The following COQ3 variants were observed in gnomAD, a reference collection of about 807,000 sequenced individuals.
The protein encoded by COQ3 is coenzyme Q3, methyltransferase, also known as ubiquinone biosynthesis O-methyltransferase, mitochondrial.
COQ3 carries 29 observed loss-of-function variants against 33.1 expected under a neutral mutation model. The observed-to-expected ratio is 0.88, with a 90% CI of 0.65 to 1.19. COQ3 has a LOEUF of 1.19. Among genes scored for constraint, COQ3 ranks in the 50% most tolerant of loss-of-function variants. The pLI is 0.00. For missense variants in COQ3, 437 were observed against 430.7 expected, an observed-to-expected ratio of 1.01 and a Z score of -0.13; for synonymous variants, 173 against 157.8, an observed-to-expected ratio of 1.10 and a Z score of -0.72.
chr6:99,383,804 T>C lies in COQ3; in HGVS notation c.127A>G (p.Ser43Gly), dbSNP rs1476299456. ...SSAVYVKNQL[S>G]GTLQIKPGVF... ...CCTGGTTTAATCTGTAGAGTCCCACTGAGCTGGTTCTTCACATAAACTGAA... is the reference window on the plus strand; with the variant it reads ...CCTGGTTTAATCTGTAGAGTCCCACCGAGCTGGTTCTTCACATAAACTGAA... The change falls in exon 2 of 7, where the codon AGT (serine) becomes GGT (glycine). Residue 43 changes from serine (S) to glycine (G), a missense_variant. Ser to Gly is a moderately conservative substitution (Grantham distance 56, BLOSUM62 0). Transcript: ENST00000254759. 6.3e-7 allele frequency: 1 copy of C among 1,580,624 alleles called. No homozygotes were observed. Among genetic ancestry groups the C allele is most frequent in the African/African-American group, 1.4e-5 (1 of 72,864 alleles).
At chr6:99,388,889 A>ATG (rs1461689514) in intron 1 of COQ3, among the ~76,000 whole-genome samples, 153 of 49,906 alleles carry the variant, frequency 3.1e-3, no homozygotes, top group African/African-American at 9.5e-3. Context: ...TAATGTATAC[A>ATG]CGCACACACA....
At chr6:99,393,838 G>A (rs369282275) in intron 1 of COQ3, among the ~76,000 whole-genome samples, 116 of 152,326 alleles carry the variant, frequency 7.6e-4, no homozygotes, top group African/African-American at 2.6e-3. Flanking sequence ...CAAGAGACCC[G>A]CGGCCTGCGC....
At chr6:99,371,875 A>T (rs1241011888) in intron 5 of COQ3, among the ~76,000 whole-genome samples, 2 of 152,154 alleles carry the variant, frequency 1.3e-5, no homozygotes, top group Admixed American at 1.3e-4. Flanking sequence ...GTACATATCA[A>T]ACACTTTACA....
intron 1 of COQ3, among the ~76,000 whole-genome samples, chr6:99,391,851 T>C (rs1338172994): frequency 1.3e-5 from 2 of 152,026 alleles, no homozygotes; most frequent in Non-Finnish European, 2.9e-5. Flanking sequence ...ATATAAAAAT[T>C]AGCCATGCAT....
Position 99,381,172 on chromosome 6 carries a change from C to G in COQ3, c.234-831G>C, listed in dbSNP as rs529681041. Among the ~76,000 whole-genome samples the G allele has an allele frequency of 5.3e-5, 8 of 152,294 alleles. No homozygotes were observed. The South Asian group carries it at 1.7e-3, about 32-fold the overall frequency. On this transcript the variant is annotated intron_variant, in intron 2 of 6. Coordinates refer to ENST00000254759, the MANE Select transcript of COQ3 (RefSeq NM_017421.4). The stretch of plus-strand genomic sequence containing the variant: ...CCATAATTCTAACGCAAGCACCCAT[C>G]ATCTCTTGCCTGAACTAGTGTCCTA...
At chr6:99,388,933 A>C (rs11154811) in intron 1 of COQ3, among the ~76,000 whole-genome samples, 6,265 of 52,356 alleles carry the variant, frequency 0.12, 230 homozygotes, top group East Asian at 0.46. Flanking sequence ...ACACACACAC[A>C]CCCACATCCT....
chr6:99,374,633 A>G (rs1032172370), intron 5 of COQ3, among the ~76,000 whole-genome samples: 12 of 152,338 alleles, frequency 7.9e-5, no homozygotes, highest in African/African-American at 2.4e-4. Context: ...TTACAGCCAC[A>G]TTCAGAGAAC....
At chr6:99,391,469 C>T (rs1774828400) in intron 1 of COQ3, among the ~76,000 whole-genome samples, 2 of 152,082 alleles carry the variant, frequency 1.3e-5, no homozygotes, top group Admixed American at 1.3e-4. Context: ...AATATCACCT[C>T]CTGTATGACT....
intron 1 of COQ3, 33 bp downstream of exon 1, chr6:99,394,041 C>T (rs1326278140): frequency 6.4e-7 from 1 of 1,565,276 alleles, no homozygotes; most frequent in Non-Finnish European, 8.8e-7. Flanking sequence ...TCGCAATTGA[C>T]TGCATGCGAA....
intron 1 of COQ3, among the ~76,000 whole-genome samples, chr6:99,387,098 T>C (rs1263929328): frequency 6.6e-6 from 1 of 152,178 alleles, no homozygotes; most frequent in Non-Finnish European, 1.5e-5. Flanking sequence ...ATTCCAGGTA[T>C]GCAACACTAG....
chr6:99,378,159 TAGAG>T (rs10542899), intron 3 of COQ3, among the ~76,000 whole-genome samples: 9,209 of 39,852 alleles, frequency 0.23, 832 homozygotes, highest in Middle Eastern at 0.38. Context: ...TATATATATT[TAGAG>T]AGAGAGAGAG....
At chr6:99,374,083 A>G (rs1427884945) in intron 5 of COQ3, among the ~76,000 whole-genome samples, 1 of 151,202 alleles carries the variant, frequency 6.6e-6, no homozygotes, top group Non-Finnish European at 1.5e-5. Flanking sequence ...ATACATGTAC[A>G]AGTCTGGTTT....
Position 99,371,456 on chromosome 6 carries a change from A to G in COQ3, c.861T>C (p.Pro287=). ...GTHTWEKFVS[P]ETLESILESN... is the part of the protein sequence containing the mutation. ...ATTCCAGAATGCTCTCTAGTGTTTCAGGTGAAACAAACTTCTCCCATGTAT... is the reference window on the plus strand; with the variant it reads ...ATTCCAGAATGCTCTCTAGTGTTTCGGGTGAAACAAACTTCTCCCATGTAT... The change falls in exon 6 of 7, where the codon CCT becomes CCC. Residue 287 remains proline (P), a synonymous_variant. Coordinates refer to ENST00000254759, the MANE Select transcript of COQ3 (RefSeq NM_017421.4). 12 of 1,598,464 alleles carry G rather than the reference A, an allele frequency of 7.5e-6. No individual in the cohort carries two copies. The highest frequency in any genetic ancestry group is 1.0e-5 in the Non-Finnish European group (12 of 1,175,534).
intron 1 of COQ3, among the ~76,000 whole-genome samples, chr6:99,385,977 AAAAAAAAAAAAAAAAAG>A (rs1774639098): frequency 3.0e-5 from 1 of 33,612 alleles, no homozygotes; most frequent in Admixed American, 3.4e-4. Context: ...ACTCTGTCTC[AAAAAAAAAAAAAAAAAG>A]AAAAGAAAAA....
intron 5 of COQ3, among the ~76,000 whole-genome samples, chr6:99,372,192 T>C (rs1279685695): frequency 1.3e-5 from 2 of 152,034 alleles, no homozygotes; most frequent in Non-Finnish European, 1.5e-5. Flanking sequence ...TCACTTGAGA[T>C]CAGGAGTTTG....
intron 1 of COQ3, among the ~76,000 whole-genome samples, chr6:99,388,202 T>C (rs1339146558): frequency 6.6e-6 from 1 of 151,808 alleles, no homozygotes; most frequent in Non-Finnish European, 1.5e-5. Flanking sequence ...AAAAGAAAGC[T>C]CAAAGATTAC....
intron 3 of COQ3, among the ~76,000 whole-genome samples, chr6:99,378,984 C>T (rs985533948): frequency 1.3e-5 from 2 of 150,268 alleles, no homozygotes; most frequent in African/African-American, 4.9e-5. Flanking sequence ...GTAGCTGCTC[C>T]CTTGCAGTTC....
intron 5 of COQ3, among the ~76,000 whole-genome samples, chr6:99,372,377 T>G (rs966476473): frequency 6.6e-6 from 1 of 150,762 alleles, no homozygotes; most frequent in African/African-American, 2.4e-5. Flanking sequence ...GAGAACAACA[T>G]GAGCACCAGG....
chr6:99,374,312 C>A (rs1234481733), intron 5 of COQ3, among the ~76,000 whole-genome samples: 1 of 152,028 alleles, frequency 6.6e-6, no homozygotes, highest in Non-Finnish European at 1.5e-5. Flanking sequence ...TCAGGGTATG[C>A]AAGTGCAGGG....
Sources: allele counts gnomAD v4.1 joint callset (sites outside exome capture counted in the v4.1 genomes callset), GRCh38; gene constraint gnomAD v4.1.1; transcripts MANE v1.5; gene names NCBI Gene and HGNC (gene_info 2026-07-23, HGNC 2026-07-21).